The following LYPD1 variants were observed in gnomAD, a reference collection of about 807,000 sequenced individuals.
LYPD1 encodes the protein LY6/PLAUR domain containing 1.
Under a neutral mutation model 14.2 loss-of-function variants are expected in LYPD1, and 14 were observed. The ratio of observed to expected loss-of-function variants is 0.99; its 90% CI spans 0.65 to 1.54. The LOEUF (loss-of-function observed/expected upper bound fraction) is 1.54. Among genes scored for constraint, LYPD1 ranks in the 40% most tolerant of loss-of-function variants. The probability of loss-of-function intolerance (pLI) is 0.00; values close to 1 mark genes in which losing one functional copy is unlikely to be tolerated. For synonymous variants in LYPD1, 85 were observed against 70.6 expected (o/e 1.20, Z -1.02); for missense variants, 165 against 175.7 (o/e 0.94, Z 0.34).
chr2:132,667,485 C>T (rs928914994), intron 2 of LYPD1, among the ~76,000 whole-genome samples: 1 of 152,204 alleles, frequency 6.6e-6, no homozygotes, highest in African/African-American at 2.4e-5. Context: ...GTTCTAATCA[C>T]TTCACCGGGC....
chr2:132,665,988 C>G (rs1191721277), intron 2 of LYPD1, among the ~76,000 whole-genome samples: 3 of 152,138 alleles, frequency 2.0e-5, no homozygotes, highest in Non-Finnish European at 4.4e-5. Flanking sequence ...CATCATTTAA[C>G]AGGCATTACT....
At chr2:132,653,282 T>C (rs1490899854) in intron 2 of LYPD1, among the ~76,000 whole-genome samples, 1 of 152,248 alleles carries the variant, frequency 6.6e-6, no homozygotes, top group Non-Finnish European at 1.5e-5. Flanking sequence ...TTTGCCTTTC[T>C]GGACCAATGA....
chr2:132,655,978 A>G (rs1682573759), intron 2 of LYPD1, among the ~76,000 whole-genome samples: 1 of 152,228 alleles, frequency 6.6e-6, no homozygotes, highest in African/African-American at 2.4e-5. Context: ...CTACAGATGT[A>G]CATACAACTT....
At chr2:132,648,273 A>ATTC (rs1682213564) in intron 2 of LYPD1, among the ~76,000 whole-genome samples, 3 of 146,426 alleles carry the variant, frequency 2.0e-5, no homozygotes, top group Admixed American at 6.8e-5. Flanking sequence ...ACTTTTAAAA[A>ATTC]AATATTTACT....
intron 2 of LYPD1, among the ~76,000 whole-genome samples, chr2:132,647,962 T>TC (rs397939538): frequency 1.3e-5 from 2 of 152,146 alleles, no homozygotes; most frequent in African/African-American, 4.8e-5. Flanking sequence ...TGTCATTTTT[T>TC]CCCCTCTAAC....
chr2:132,646,895 C>G (rs574838442), intron 2 of LYPD1, among the ~76,000 whole-genome samples: 2 of 152,306 alleles, frequency 1.3e-5, no homozygotes, highest in South Asian at 4.1e-4. Flanking sequence ...CGTCAGGACA[C>G]ATGGCCATCT....
At chr2:132,656,747 A>G (rs998030706) in intron 2 of LYPD1, among the ~76,000 whole-genome samples, 1 of 152,172 alleles carries the variant, frequency 6.6e-6, no homozygotes, top group Non-Finnish European at 1.5e-5. Context: ...GAATGTGAAT[A>G]TTTTAAAGGC....
At chr2:132,648,676 C>CG (rs1553462872) in intron 2 of LYPD1, among the ~76,000 whole-genome samples, 1 of 152,126 alleles carries the variant, frequency 6.6e-6, no homozygotes, top group Non-Finnish European at 1.5e-5. Context: ...ACCCTCATGT[C>CG]GTTAGTCAGA....
At chr2:132,656,399 A>G (rs1375207468) in intron 2 of LYPD1, among the ~76,000 whole-genome samples, 3 of 152,212 alleles carry the variant, frequency 2.0e-5, no homozygotes, top group Admixed American at 1.3e-4. Context: ...TAAATATTCT[A>G]TGCAGGACTA....
chr2:132,669,763 C>A lies in LYPD1; in HGVS notation c.52+118G>T. The A allele has an allele frequency of 6.8e-7, 1 of 1,481,254 alleles. No homozygotes were observed. The highest frequency in any genetic ancestry group is 1.5e-5 in the African/African-American group (1 of 67,490). 91.8% of individuals were successfully genotyped at this position (1,481,254 alleles called of 1,614,324 possible). ...GGCACCAGTCGCGGCCGCCAACTCC[C>A]GCTGGGCAGCCCCAGCGCAGGGCTG... On this transcript the variant is annotated intron_variant, in intron 1 of 2. Coordinates refer to ENST00000397463, the MANE Select transcript of LYPD1 (RefSeq NM_144586.7). The surrounding 1 kb of genome is among the most constrained non-coding windows in gnomAD (Gnocchi z 4.3).
rs1224600586 is a variant in LYPD1 at position 132,669,842 on chromosome 2, C to T, written c.52+39G>A. 12 of 1,607,942 alleles carry T rather than the reference C, an allele frequency of 7.5e-6. No individual in the cohort carries two copies. The highest frequency in any genetic ancestry group is 1.3e-5 in the African/African-American group (1 of 74,494). ...AGGGCTGGCGGGTAGATGGATTGTGCGCACCTGGCCTCGGCTGCTGGCCTC... is the reference window on the plus strand; with the variant it reads ...AGGGCTGGCGGGTAGATGGATTGTGTGCACCTGGCCTCGGCTGCTGGCCTC... On this transcript the variant is annotated intron_variant, in intron 1 of 2. Coordinates refer to ENST00000397463, the MANE Select transcript of LYPD1 (RefSeq NM_144586.7). This position sits in a 1 kb window ranked among gnomAD's most constrained non-coding sequence, Gnocchi z 4.3.
intron 2 of LYPD1, chr2:132,667,138 T>A (rs1683318787): frequency 6.6e-6 from 1 of 152,210 alleles, no homozygotes; most frequent in African/African-American, 2.4e-5. Context: ...AAGTTTGTTT[T>A]GTTTTGCATC....
At chr2:132,653,406 A>T (rs1282567213) in intron 2 of LYPD1, among the ~76,000 whole-genome samples, 1 of 152,246 alleles carries the variant, frequency 6.6e-6, no homozygotes, top group Non-Finnish European at 1.5e-5. Flanking sequence ...AACCCCATCC[A>T]ATCAGGTAAA....
intron 2 of LYPD1, among the ~76,000 whole-genome samples, chr2:132,665,881 G>A (rs1447193168): frequency 6.6e-6 from 1 of 152,164 alleles, no homozygotes; most frequent in Non-Finnish European, 1.5e-5. Context: ...TTAACTAGGA[G>A]TCACTGGGCT....
chr2:132,650,459 G>A (rs556882866), intron 2 of LYPD1, among the ~76,000 whole-genome samples: 3 of 152,006 alleles, frequency 2.0e-5, no homozygotes, highest in Admixed American at 6.6e-5. Flanking sequence ...CCACTTTTAC[G>A]CATGTACCCT....
chr2:132,670,286 C>G (rs1573771392), upstream of LYPD1: 2 of 302,708 alleles, frequency 6.6e-6, no homozygotes, highest in Non-Finnish European at 1.2e-5. This position sits in a 1 kb window ranked among gnomAD's most constrained non-coding sequence, Gnocchi z 4.5. Context: ...TGACGGCTGC[C>G]GAGTTGGGGT....
chr2:132,664,024 T>A (rs1420378804), intron 2 of LYPD1, among the ~76,000 whole-genome samples: 1 of 152,082 alleles, frequency 6.6e-6, no homozygotes, highest in African/African-American at 2.4e-5. Context: ...GAAAAGTATA[T>A]CCACACACAC....
chr2:132,656,964 T>C (rs1682632522), intron 2 of LYPD1, among the ~76,000 whole-genome samples: 1 of 152,106 alleles, frequency 6.6e-6, no homozygotes, highest in African/African-American at 2.4e-5. Flanking sequence ...AGGGTAAAAA[T>C]AAATGTGTTT....
At chr2:132,646,656 A>C (rs978021106) in intron 2 of LYPD1, 3 of 172,200 alleles carry the variant, frequency 1.7e-5, no homozygotes, top group Non-Finnish European at 3.7e-5. Flanking sequence ...GAGGCCCACA[A>C]GCAGTGCTTC....
Sources: gnomAD v4.1 joint callset for allele counts (sites outside exome capture counted in the v4.1 genomes callset) on GRCh38, gnomAD v4.1.1 for gene constraint, Gnocchi (gnomAD v3.1) non-coding constraint, MANE v1.5 for transcripts, NCBI Gene and HGNC (gene_info 2026-07-23, HGNC 2026-07-21) for gene names.